Variants in ZNF48 observed in about 807,000 individuals in gnomAD.
ZNF48 encodes zinc finger protein 48, also known as zinc finger protein 553.
In ZNF48, 20 loss-of-function variants were observed where a neutral mutation model predicts 40.0. The ratio of observed to expected loss-of-function variants is 0.50; its 90% CI spans 0.35 to 0.73. ZNF48 has a LOEUF of 0.73. Among genes scored for constraint, ZNF48 ranks in the 30% least tolerant of loss-of-function variants. The probability of loss-of-function intolerance (pLI) is 0.01; values close to 1 mark genes in which losing one functional copy is unlikely to be tolerated. For synonymous variants in ZNF48, 298 were observed against 329.7 expected (o/e 0.90, Z 1.04); for missense variants, 726 against 851.9 (o/e 0.85, Z 1.84).
upstream of ZNF48, among the ~76,000 whole-genome samples, chr16:30,394,030 CTTT>C (rs761579523): frequency 3.5e-5 from 5 of 143,274 alleles, no homozygotes; most frequent in Admixed American, 7.0e-5. Context: ...TTCTCTCTCT[CTTT>C]TTTTTTTTTT....
Position 30,397,250 on chromosome 16 carries a change from G to C in ZNF48, c.80-80G>C. 1 of 1,291,612 alleles carries C rather than the reference G, an allele frequency of 7.7e-7. No individual in the cohort carries two copies. The highest frequency in any genetic ancestry group is 1.1e-6 in the Non-Finnish European group (1 of 929,794). 80.0% of individuals were successfully genotyped at this position (1,291,612 alleles called of 1,614,324 possible). The stretch of plus-strand genomic sequence containing the variant: ...TTCCTGTGACCACAGATTGTCAAGG[G>C]AGTCTTCCTGGAGAGGTTGCTGTCA... On this transcript the variant is annotated intron_variant, in intron 2 of 2. Coordinates refer to ENST00000613509, the MANE Select transcript of ZNF48 (RefSeq NM_001214909.2). This position sits in a 1 kb window ranked among gnomAD's most constrained non-coding sequence, Gnocchi z 4.1.
intron 1 of ZNF48, among the ~76,000 whole-genome samples, chr16:30,389,816 GTTTTTTTTTTTTTTTTTTT>G (rs56373430): frequency 0.057 from 1,281 of 22,506 alleles, 42 homozygotes; most frequent in African/African-American, 0.12. Context: ...ATTTGGATTA[GTTTTTTTTTTTTTTTTTTT>G]TTTTTTTTTT....
chr16:30,398,875 C>T lies in ZNF48; in HGVS notation c.1625C>T (p.Pro542Leu), dbSNP rs2050023427. The change falls in exon 3 of 3, where the codon CCC (proline) becomes CTC (leucine). Residue 542 changes from proline (P) to leucine (L), a missense_variant. Pro to Leu is a moderately conservative substitution (Grantham distance 98). Transcript: ENST00000613509. This position sits in a 1 kb window ranked among gnomAD's most constrained non-coding sequence, Gnocchi z 6.6. ...GCCCAGCCTTCTGGACCCAGCCAGC[C>T]CCACGTGTGTGGCTTCTGTGGGAAG... ...VRAQPSGPSQPHVCGFCGKEF... is the reference protein window; with the variant it reads ...VRAQPSGPSQLHVCGFCGKEF... 2 of 1,613,964 alleles carry T rather than the reference C, an allele frequency of 1.2e-6. No individual in the cohort carries two copies. Among genetic ancestry groups the T allele is most frequent in the East Asian group, 2.2e-5 (1 of 44,872 alleles).
At chr16:30,379,136 C>G (rs1223538764) in intron 1 of ZNF48, 1 of 1,614,132 alleles carries the variant, frequency 6.2e-7, no homozygotes, top group South Asian at 1.1e-5. Flanking sequence ...TGTGTCTGCA[C>G]CAGCATCCGT....
chr16:30,380,510 G>C (rs1429316735), intron 1 of ZNF48: 1 of 156,610 alleles, frequency 6.4e-6, no homozygotes, highest in Non-Finnish European at 1.4e-5. Context: ...CCATGTTGCC[G>C]TGGCTTGTCT....
chr16:30,384,354 C>T (rs1228509702), intron 1 of ZNF48, among the ~76,000 whole-genome samples: 1 of 151,798 alleles, frequency 6.6e-6, no homozygotes, highest in Admixed American at 6.6e-5. Flanking sequence ...TGGTGAAACC[C>T]CATCTCTACT....
exon 1 of ZNF48, chr16:30,378,350 G>A (rs1388016405): frequency 7.6e-7 from 1 of 1,313,112 alleles, no homozygotes; most frequent in Non-Finnish European, 1.0e-6. Context: ...AGGTCCCGGG[G>A]GGCGCTGGGC....
Position 30,382,295 on chromosome 16 carries a change from T to C in ZNF48, c.-16+3885T>C. ...CAGACCTGCCACCATTAGCGTGAAG[T>C]CAAACCCCTTCTTGACAGACTTGCG... On this transcript the variant is annotated intron_variant, in intron 1 of 2. Transcript: ENST00000528032. The surrounding 1 kb of genome is among the most constrained non-coding windows in gnomAD (Gnocchi z 4.8). 1 of 1,613,772 alleles carries C rather than the reference T, an allele frequency of 6.2e-7. No homozygotes were observed. Among genetic ancestry groups the C allele is most frequent in the Non-Finnish European group, 8.5e-7 (1 of 1,179,794 alleles).
At position 30,397,686 on chromosome 16, in the gene ZNF48, G is replaced by A. The variant is rs149354969; in HGVS notation, c.436G>A (p.Gly146Ser). ...GAAACCCTACAAGTGTGGGGTCTGTGGCAAGGGCTTTGGGGATAGCTCTGC... is the reference window on the plus strand; with the variant it reads ...GAAACCCTACAAGTGTGGGGTCTGTAGCAAGGGCTTTGGGGATAGCTCTGC... ...GEKPYKCGVC[G>S]KGFGDSSARI... Residue 146 changes from glycine to serine, a missense_variant, in exon 3 of 3, where the codon GGC becomes AGC. Around this residue, in one of 5 missense-constraint regions of ZNF48, gnomAD observed 378 missense variants for 449.1 expected, o/e 0.84. Transcript: ENST00000613509. The surrounding 1 kb of genome is among the most constrained non-coding windows in gnomAD (Gnocchi z 4.1). 6.2e-7 allele frequency: 1 copy of A among 1,613,906 alleles called. No individual in the cohort carries two copies. The highest frequency in any genetic ancestry group is 1.3e-5 in the African/African-American group (1 of 74,884).
At chr16:30,383,002 C>G (rs2049871221) in intron 1 of ZNF48, 11 of 593,218 alleles carry the variant, frequency 1.9e-5, no homozygotes, top group Non-Finnish European at 3.3e-5. Context: ...AGGGACGTGC[C>G]CCTCTACCAT....
Position 30,397,470 on chromosome 16 carries a change from A to C in ZNF48, c.220A>C (p.Asn74His), listed in dbSNP as rs200441866. The change falls in exon 3 of 3, where the codon AAC becomes CAC. Residue 74 changes from asparagine to histidine, a missense_variant. Coordinates refer to ENST00000613509, the MANE Select transcript of ZNF48 (RefSeq NM_001214909.2). The surrounding 1 kb of genome is among the most constrained non-coding windows in gnomAD (Gnocchi z 4.1). ...CTCTCTCAAACCTGAAGGCATCCAG[A>C]ACTGGGATGACTTATGGGTCCAGAG... Reference protein sequence around the residue: ...NASLKPEGIQNWDDLWVQREG... With the variant: ...NASLKPEGIQHWDDLWVQREG... 3.2e-5 allele frequency: 51 copies of C among 1,614,016 alleles called. No homozygotes were observed. The highest frequency in any genetic ancestry group is 4.2e-5 in the Non-Finnish European group (49 of 1,180,022).
chr16:30,378,912 T>C, intron 1 of ZNF48: 1 of 1,086,942 alleles, frequency 9.2e-7, no homozygotes, highest in Admixed American at 2.1e-5. Flanking sequence ...GAGAGAAGTC[T>C]GAGTGGTGAA....
At position 30,399,067 on chromosome 16, in the gene ZNF48, C is replaced by A; in HGVS notation, c.1817C>A (p.Ala606Glu). Residue 606 changes from alanine (A) to glutamate (E), a missense_variant, in exon 3 of 3, where the codon GCA becomes GAA. Physicochemically the swap from Ala to Glu is moderately radical, Grantham distance 107. This residue lies in a region of ZNF48 where 166 missense variants were observed against 163.6 expected (regional missense o/e 1.01). Transcript: ENST00000613509. ...CCCTTTGGGATAGGGGATGGTAGGG[C>A]AAGGCCCCTCAAGCAGGAGGCAGCA... ...LTPFGIGDGRARPLKQEAATG... is the reference protein window; with the variant it reads ...LTPFGIGDGRERPLKQEAATG... 1 of 1,603,810 alleles carries A rather than the reference C, an allele frequency of 6.2e-7. No homozygotes were observed. The highest frequency in any genetic ancestry group is 1.1e-5 in the South Asian group (1 of 89,736).
At position 30,380,113 on chromosome 16, in the gene ZNF48, G is replaced by C. The variant is rs1473577631; in HGVS notation, c.-16+1703G>C. On this transcript the variant is annotated intron_variant, in intron 1 of 2. Transcript: ENST00000528032. ...TCATGACCAGAGACAGTGAGACACA[G>C]AGATACTGGGTGGTCAGAGACAGAG... 14 of 1,162,826 alleles carry C rather than the reference G, an allele frequency of 1.2e-5. No homozygotes were observed. The East Asian group carries it at 3.5e-4, about 29-fold the overall frequency. The allele number at this position is 1,162,826 out of a possible 1,614,324, so 72.0% of individuals were successfully genotyped here.
chr16:30,395,958 G>C lies in ZNF48; in HGVS notation c.79+85G>C. On this transcript the variant is annotated intron_variant, in intron 2 of 2. Transcript: ENST00000613509. This position sits in a 1 kb window ranked among gnomAD's most constrained non-coding sequence, Gnocchi z 5.9. ...TTGGCTGTGGCCGGCCGAGATCCTG[G>C]AAGATCGGACGTGAGCTGTGCCTCT... 6 of 1,351,174 alleles carry C rather than the reference G, an allele frequency of 4.4e-6. No individual in the cohort carries two copies. The highest frequency in any genetic ancestry group is 5.0e-5 in the Admixed American group (2 of 40,012). 83.7% of individuals were successfully genotyped at this position (1,351,174 alleles called of 1,614,324 possible). A position where few individuals can be genotyped will look rare whatever the true frequency, so the allele number is the denominator to read the frequency against.
intron 2 of ZNF48, among the ~76,000 whole-genome samples, chr16:30,396,804 C>T (rs187122183): frequency 1.3e-3 from 197 of 151,528 alleles, no homozygotes; most frequent in Non-Finnish European, 2.2e-3. Flanking sequence ...ATCCTCCTAC[C>T]TCAGCCTCCC....
rs2049843178 is a variant in ZNF48, at chr16:30,381,238, C to T, written c.-16+2828C>T. ...CCCGGAGGAAGGCCACATCTAGGGG[C>T]CGGAGCCTGCACCCAGGGATTGGTC... On this transcript the variant is annotated intron_variant, in intron 1 of 2. Transcript: ENST00000528032. This position sits in a 1 kb window ranked among gnomAD's most constrained non-coding sequence, Gnocchi z 4.3. The T allele has an allele frequency of 6.2e-7, 1 of 1,613,966 alleles. No homozygotes were observed. The highest frequency in any genetic ancestry group is 8.5e-7 in the Non-Finnish European group (1 of 1,179,958).
rs370942875 is a variant in ZNF48, at chr16:30,398,394, A to G, written c.1144A>G (p.Met382Val). Residue 382 changes from methionine (M) to valine (V), a missense_variant, in exon 3 of 3, where the codon ATG becomes GTG. Physicochemically the swap from Met to Val is conservative, Grantham distance 21. Around this residue, in one of 5 missense-constraint regions of ZNF48, gnomAD observed 378 missense variants for 449.1 expected, o/e 0.84. Transcript: ENST00000613509. This position sits in a 1 kb window ranked among gnomAD's most constrained non-coding sequence, Gnocchi z 6.6. ...STLLRHRLTH[M>V]EPQDFSFPGY... is the part of the protein sequence containing the mutation. ...CCTTCTTCGCCACCGCCTCACTCAC[A>G]TGGAGCCCCAGGACTTCAGCTTCCC... The G allele has an allele frequency of 1.3e-5, 21 of 1,611,512 alleles. No homozygotes were observed. The highest frequency in any genetic ancestry group is 1.7e-5 in the Non-Finnish European group (20 of 1,178,470).
In ZNF48 at chr16:30,381,279, G is replaced by C. The variant is rs370529214; in HGVS notation, c.-16+2869G>C. ...GGGATTGGTCATTGCCCAGCCTCAGGGGGCAGAGACCCCCCAGCCCTCCCT... is the reference window on the plus strand; with the variant it reads ...GGGATTGGTCATTGCCCAGCCTCAGCGGGCAGAGACCCCCCAGCCCTCCCT... On this transcript the variant is annotated intron_variant, in intron 1 of 2. Transcript: ENST00000528032. The surrounding 1 kb of genome is among the most constrained non-coding windows in gnomAD (Gnocchi z 4.3). The C allele has an allele frequency of 1.2e-4, 196 of 1,611,228 alleles. No individual in the cohort carries two copies. Among genetic ancestry groups the C allele is most frequent in the Middle Eastern group, 6.6e-4 (4 of 6,072 alleles).
Sources: allele counts gnomAD v4.1 joint callset (sites outside exome capture counted in the v4.1 genomes callset), GRCh38; gene constraint gnomAD v4.1.1; regional missense constraint gnomAD v4.1.1; non-coding constraint Gnocchi (gnomAD v3.1); transcripts MANE v1.5; gene names NCBI Gene and HGNC (gene_info 2026-07-23, HGNC 2026-07-21).